The following FGF12 variants were observed in gnomAD, a reference collection of about 807,000 sequenced individuals.
FGF12 encodes fibroblast growth factor 12.
FGF12 carries 14 observed loss-of-function variants against 23.6 expected under a neutral mutation model. The ratio of observed to expected loss-of-function variants is 0.59; its 90% CI spans 0.39 to 0.93. The LOEUF (loss-of-function observed/expected upper bound fraction) is 0.93. Among genes scored for constraint, FGF12 ranks in the 40% least tolerant of loss-of-function variants. The pLI, the probability that FGF12 is intolerant of heterozygous loss-of-function variation, is 0.00. For missense variants in FGF12, 175 were observed against 217.8 expected (o/e 0.80, Z 1.24); for synonymous variants, 62 against 77.3 (o/e 0.80, Z 1.04).
intron 2 of FGF12, among the ~76,000 whole-genome samples, chr3:192,426,007 C>T (rs11711061): frequency 0.35 from 53,812 of 152,092 alleles, 9,723 homozygotes; most frequent in Admixed American, 0.44. Context: ...GTTACACTTA[C>T]TCTCACCAAG....
chr3:192,155,135 G>A (rs1207282071), intron 5 of FGF12, among the ~76,000 whole-genome samples: 2 of 151,674 alleles, frequency 1.3e-5, no homozygotes, highest in East Asian at 1.9e-4. Context: ...GCCCCCTTGC[G>A]CTTCCCAGGT....
chr3:192,391,678 T>C (rs1194148963), intron 2 of FGF12, among the ~76,000 whole-genome samples: 1 of 152,234 alleles, frequency 6.6e-6, no homozygotes, highest in African/African-American at 2.4e-5. Context: ...AGTTTCATAA[T>C]AGGTGCTGTA....
chr3:192,516,428 T>C (rs1724669166), intron 2 of FGF12: 1 of 152,260 alleles, frequency 6.6e-6, no homozygotes, highest in Non-Finnish European at 1.5e-5. Context: ...AGCTCTTCCC[T>C]GCAAGGGAGT....
At chr3:192,507,678 G>A (rs1457236040) in intron 2 of FGF12, among the ~76,000 whole-genome samples, 1 of 152,122 alleles carries the variant, frequency 6.6e-6, no homozygotes, top group African/African-American at 2.4e-5. Flanking sequence ...TCCCCAGGCT[G>A]CTTGTGAACA....
At chr3:192,508,395 C>CT (rs1724374905) in intron 2 of FGF12, among the ~76,000 whole-genome samples, 1 of 152,168 alleles carries the variant, frequency 6.6e-6, no homozygotes, top group African/African-American at 2.4e-5. Context: ...ATTGCATACA[C>CT]TAAATTAGAC....
intron 2 of FGF12, among the ~76,000 whole-genome samples, chr3:192,520,354 T>C (rs1373918982): frequency 6.6e-6 from 1 of 152,226 alleles, no homozygotes; most frequent in African/African-American, 2.4e-5. Context: ...ACTTCCGTTA[T>C]TTATAATATA....
chr3:192,356,663 T>C (rs1406769969), intron 3 of FGF12, among the ~76,000 whole-genome samples: 1 of 152,218 alleles, frequency 6.6e-6, no homozygotes, highest in Non-Finnish European at 1.5e-5. Flanking sequence ...TCTTTATCAA[T>C]TCTGTGAAAT....
intron 4 of FGF12, among the ~76,000 whole-genome samples, chr3:192,306,277 A>G (rs1038185028): frequency 6.6e-6 from 1 of 152,136 alleles, no homozygotes; most frequent in African/African-American, 2.4e-5. Context: ...TCTTACACAA[A>G]TCCATCCATT....
intron 4 of FGF12, among the ~76,000 whole-genome samples, chr3:192,317,415 A>T (rs184799416): frequency 1.3e-5 from 2 of 152,062 alleles, no homozygotes; most frequent in East Asian, 3.9e-4. Context: ...GAGCCCTTGG[A>T]CATTGAATGA....
chr3:192,617,009 A>G (rs1162740361), intron 2 of FGF12, among the ~76,000 whole-genome samples: 1 of 152,002 alleles, frequency 6.6e-6, no homozygotes, highest in African/African-American at 2.4e-5. Flanking sequence ...AGAGGTTAAA[A>G]GTATATTTTT....
At chr3:192,720,630 T>G (rs897034999) in intron 2 of FGF12, among the ~76,000 whole-genome samples, 3 of 152,208 alleles carry the variant, frequency 2.0e-5, no homozygotes, top group African/African-American at 7.2e-5. Context: ...GCATATCTAT[T>G]TTCAATCCCA....
chr3:192,429,834 C>G (rs776398067), intron 2 of FGF12, among the ~76,000 whole-genome samples: 2 of 151,980 alleles, frequency 1.3e-5, no homozygotes, highest in South Asian at 4.1e-4. Context: ...AAAATACTCT[C>G]AAGGAAAAAC....
intron 2 of FGF12, among the ~76,000 whole-genome samples, chr3:192,524,132 TG>T (rs1200002923): frequency 6.6e-6 from 1 of 152,192 alleles, no homozygotes; most frequent in Non-Finnish European, 1.5e-5. Flanking sequence ...TGCAACTAAG[TG>T]GCTCAGAACC....
intron 2 of FGF12, among the ~76,000 whole-genome samples, chr3:192,676,329 A>G (rs1264706373): frequency 1.3e-5 from 2 of 152,194 alleles, no homozygotes; most frequent in Non-Finnish European, 2.9e-5. Context: ...AGGAGCATAG[A>G]GTTGAATGAA....
chr3:192,252,186 C>T (rs1175295201), intron 4 of FGF12, among the ~76,000 whole-genome samples: 1 of 151,904 alleles, frequency 6.6e-6, no homozygotes, highest in Non-Finnish European at 1.5e-5. Context: ...ATAAGCCGGG[C>T]ATGGTGGCTC....
intron 4 of FGF12, among the ~76,000 whole-genome samples, chr3:192,330,388 C>T (rs1717045267): frequency 6.6e-6 from 1 of 152,058 alleles, no homozygotes; most frequent in African/African-American, 2.4e-5. Context: ...ACACAAACAC[C>T]AATGGAACAC....
intron 4 of FGF12, among the ~76,000 whole-genome samples, chr3:192,296,485 A>G (rs1051601618): frequency 1.3e-5 from 2 of 152,108 alleles, no homozygotes; most frequent in African/African-American, 4.8e-5. Context: ...TGGCCTCTAA[A>G]AGGGGTGGGA....
chr3:192,599,553 A>G (rs2046372936), intron 2 of FGF12, among the ~76,000 whole-genome samples: 1 of 152,076 alleles, frequency 6.6e-6, no homozygotes, highest in Non-Finnish European at 1.5e-5. Flanking sequence ...CAATATTGTT[A>G]TTGCCACTAT....
At chr3:192,170,323 T>A in intron 5 of FGF12, 135 bp downstream of exon 5, 1 of 677,016 alleles carries the variant, frequency 1.5e-6, no homozygotes, top group Non-Finnish European at 2.6e-6. Context: ...TATTGTGTTC[T>A]CTGAATATTT....
Sources: gnomAD v4.1 joint callset for allele counts (sites outside exome capture counted in the v4.1 genomes callset) on GRCh38, gnomAD v4.1.1 for gene constraint, MANE v1.5 for transcripts, NCBI Gene and HGNC (gene_info 2026-07-23, HGNC 2026-07-21) for gene names.